The following PTPRN2 variants were observed in gnomAD, a reference collection of about 807,000 sequenced individuals.
The protein encoded by PTPRN2 is receptor-type tyrosine-protein phosphatase N2.
PTPRN2 carries 74 observed loss-of-function variants against 118.8 expected under a neutral mutation model. That is an observed-to-expected ratio of 0.62 (90% CI 0.52 to 0.76). PTPRN2 has a LOEUF of 0.76. Ranked by LOEUF, PTPRN2 falls within the 30% of genes least tolerant of loss-of-function variation. PTPRN2 has a pLI of 0.00. For synonymous variants in PTPRN2, 641 were observed against 608.0 expected, an observed-to-expected ratio of 1.05 and a Z score of -0.80; for missense variants, 1,481 against 1,394.4, an observed-to-expected ratio of 1.06 and a Z score of -0.99.
At chr7:158,058,689 C>A (rs1392991759) in intron 11 of PTPRN2, among the ~76,000 whole-genome samples, 13 of 79,382 alleles carry the variant, frequency 1.6e-4, no homozygotes, top group African/African-American at 1.8e-4. Context: ...CTCCATCTGC[C>A]CACGGTGACA....
intron 1 of PTPRN2, among the ~76,000 whole-genome samples, chr7:158,556,801 G>A (rs1280190377): frequency 7.1e-6 from 1 of 141,720 alleles, no homozygotes; most frequent in Non-Finnish European, 1.5e-5. Context: ...AGGTCAGGCG[G>A]CTCCCGCGCA....
intron 4 of PTPRN2, among the ~76,000 whole-genome samples, chr7:158,203,255 G>C (rs1185646847): frequency 8.0e-6 from 1 of 125,574 alleles, no homozygotes; most frequent in East Asian, 2.3e-4. Context: ...AAAAAAAGAA[G>C]AGGAAAGAAA....
At chr7:158,369,479 G>C (rs1421238737) in intron 2 of PTPRN2, among the ~76,000 whole-genome samples, 1 of 152,118 alleles carries the variant, frequency 6.6e-6, no homozygotes, top group Non-Finnish European at 1.5e-5. Flanking sequence ...GATGCTATCA[G>C]CACCAGGCTG....
chr7:158,095,727 CGT>C (rs1814577224), intron 10 of PTPRN2, among the ~76,000 whole-genome samples: 3 of 152,182 alleles, frequency 2.0e-5, no homozygotes, highest in Non-Finnish European at 4.4e-5. Context: ...CTTCAAGGAG[CGT>C]AGGAGTGTAT....
rs144691858 is a variant in PTPRN2 at position 158,138,361 on chromosome 7, C to T, written c.1065G>A (p.Ala355=). ...HGVARGSPGR[A]ALGESGEQAD... ...CCTGTTCTCCAGACTCTCCCAGGGC[C>T]GCTCTCCCAGGGCTGCCTCGAGCTA... The change falls in exon 7 of 23, where the codon GCG becomes GCA. Residue 355 remains alanine, a synonymous_variant. Transcript: ENST00000389418. 8.4e-5 allele frequency: 136 copies of T among 1,613,706 alleles called. No homozygotes were observed. Among genetic ancestry groups the T allele is most frequent in the Non-Finnish European group, 1.1e-4 (130 of 1,180,046 alleles).
At chr7:157,923,812 C>T (rs1032410278) in intron 11 of PTPRN2, among the ~76,000 whole-genome samples, 6 of 152,006 alleles carry the variant, frequency 3.9e-5, no homozygotes, top group South Asian at 2.1e-4. Flanking sequence ...AGGATGTTAG[C>T]GGTCACACCC....
intron 12 of PTPRN2, among the ~76,000 whole-genome samples, chr7:157,888,272 C>T (rs1053348941): frequency 6.6e-6 from 1 of 152,122 alleles, no homozygotes; most frequent in Non-Finnish European, 1.5e-5. Flanking sequence ...ATCAAACGCA[C>T]TGTTACCTTC....
intron 3 of PTPRN2, among the ~76,000 whole-genome samples, chr7:158,257,317 A>AT (rs35681376): frequency 0.12 from 18,015 of 152,158 alleles, 1,231 homozygotes; most frequent in African/African-American, 0.18. Flanking sequence ...CTTCCTTTAA[A>AT]TAAAAACTTA....
At chr7:158,012,488 T>G (rs1399613009) in intron 11 of PTPRN2, among the ~76,000 whole-genome samples, 1 of 152,154 alleles carries the variant, frequency 6.6e-6, no homozygotes, top group African/African-American at 2.4e-5. Context: ...GAAAGAAGAT[T>G]GTTAAAAAGT....
intron 6 of PTPRN2, among the ~76,000 whole-genome samples, chr7:158,145,814 C>T (rs1022618584): frequency 4.6e-5 from 7 of 152,188 alleles, no homozygotes; most frequent in African/African-American, 1.7e-4. Context: ...CCTTGTGCTG[C>T]CCTGCCCTGG....
At chr7:158,522,232 AGGAG>A in intron 1 of PTPRN2, among the ~76,000 whole-genome samples, 1 of 23,552 alleles carries the variant, frequency 4.2e-5, no homozygotes, top group Non-Finnish European at 7.8e-5. Context: ...GTAGTGGCTC[AGGAG>A]GGAGGTCCAC....
At chr7:158,028,009 A>T (rs892734) in intron 11 of PTPRN2, 135,252 of 152,248 alleles carry the variant, frequency 0.89, 60,207 homozygotes, top group African/African-American at 0.93. Flanking sequence ...TGAACTTTAC[A>T]TACATTTTAG....
At chr7:157,721,258 A>G (rs561243882) in intron 12 of PTPRN2, among the ~76,000 whole-genome samples, 2 of 152,328 alleles carry the variant, frequency 1.3e-5, no homozygotes, top group South Asian at 4.1e-4. Context: ...TGCATCCACA[A>G]GGGAGATTTG....
intron 2 of PTPRN2, among the ~76,000 whole-genome samples, chr7:158,456,196 T>C (rs542449063): frequency 0.013 from 1,541 of 120,350 alleles, 1 homozygote; most frequent in African/African-American, 0.046. Flanking sequence ...GAGAACATAA[T>C]GGCACGGACG....
At chr7:157,635,273 G>T (rs1272802863) in intron 14 of PTPRN2, among the ~76,000 whole-genome samples, 1 of 152,216 alleles carries the variant, frequency 6.6e-6, no homozygotes, top group Non-Finnish European at 1.5e-5. Context: ...ATGAACTCAG[G>T]GTACAGGCAC....
intron 14 of PTPRN2, among the ~76,000 whole-genome samples, chr7:157,640,432 G>A (rs1045636992): frequency 2.3e-4 from 35 of 152,264 alleles, no homozygotes; most frequent in African/African-American, 8.2e-4. Context: ...GAATAAGAAG[G>A]TACAACTTAT....
intron 12 of PTPRN2, among the ~76,000 whole-genome samples, chr7:157,802,918 A>G (rs1333324040): frequency 6.6e-6 from 1 of 152,134 alleles, no homozygotes; most frequent in African/African-American, 2.4e-5. Flanking sequence ...TCAGGTTATC[A>G]TTATTATTTG....
chr7:157,541,033 T>C, intron 22 of PTPRN2, among the ~76,000 whole-genome samples: 1 of 152,246 alleles, frequency 6.6e-6, no homozygotes. Context: ...TCTCTCGCAC[T>C]AGAAAAGCCT....
intron 11 of PTPRN2, among the ~76,000 whole-genome samples, chr7:158,057,383 T>C (rs912451979): frequency 6.6e-6 from 1 of 152,198 alleles, no homozygotes; most frequent in Non-Finnish European, 1.5e-5. Context: ...ACTTCCACGT[T>C]ACAGGCAGCA....
Sources: gnomAD v4.1 joint callset for allele counts (sites outside exome capture counted in the v4.1 genomes callset) on GRCh38, gnomAD v4.1.1 for gene constraint, MANE v1.5 for transcripts, NCBI Gene and HGNC (gene_info 2026-07-23, HGNC 2026-07-21) for gene names.